Variants in RARB observed in about 807,000 individuals in gnomAD.
The protein encoded by RARB is HBV-activated protein.
Under a neutral mutation model 51.9 loss-of-function variants are expected in RARB, and 17 were observed. The ratio of observed to expected loss-of-function variants is 0.33; its 90% confidence interval spans 0.22 to 0.49. The LOEUF (loss-of-function observed/expected upper bound fraction) is 0.49, where lower values mean the gene tolerates loss of function less well. RARB is among the 20% of genes least tolerant of loss of function. RARB has a pLI of 0.99. For synonymous variants in RARB, 215 were observed against 195.4 expected, an observed-to-expected ratio of 1.10 and a Z score of -0.84; for missense variants, 369 against 550.8, an observed-to-expected ratio of 0.67 and a Z score of 3.30.
intron 5 of RARB, among the ~76,000 whole-genome samples, chr3:25,340,184 C>T (rs1439429222): frequency 6.6e-6 from 1 of 152,092 alleles, no homozygotes; most frequent in African/African-American, 2.4e-5. Context: ...TCAGTCACTG[C>T]ACTGGGCTGA....
intron 5 of RARB, among the ~76,000 whole-genome samples, chr3:25,283,187 G>C (rs1440293827): frequency 6.6e-6 from 1 of 152,098 alleles, no homozygotes; most frequent in Non-Finnish European, 1.5e-5. Flanking sequence ...GTATTAATAA[G>C]GCCAAAATCA....
intron 3 of RARB, among the ~76,000 whole-genome samples, chr3:25,101,587 G>A (rs934888243): frequency 3.3e-5 from 5 of 149,310 alleles, no homozygotes; most frequent in Admixed American, 1.3e-4. Context: ...AGGCAACACT[G>A]TATTATTTTG....
chr3:24,864,627 A>G (rs1027477703), intron 2 of RARB, among the ~76,000 whole-genome samples: 3 of 152,182 alleles, frequency 2.0e-5, no homozygotes, highest in African/African-American at 7.2e-5. Context: ...CCTGGCGTCA[A>G]ACTCCACAGA....
intron 5 of RARB, among the ~76,000 whole-genome samples, chr3:25,390,977 G>A (rs1476834892): frequency 6.6e-6 from 1 of 151,930 alleles, no homozygotes; most frequent in Non-Finnish European, 1.5e-5. Context: ...GGTGATTTCC[G>A]AGATTTTGGT....
chr3:25,132,147 C>T (rs1371761154), intron 3 of RARB, among the ~76,000 whole-genome samples: 1 of 151,904 alleles, frequency 6.6e-6, no homozygotes, highest in Non-Finnish European at 1.5e-5. Context: ...AGTTTTTCCT[C>T]TCTTCTCCTC....
intron 5 of RARB, among the ~76,000 whole-genome samples, chr3:25,207,771 A>T (rs146085462): frequency 6.6e-6 from 1 of 152,226 alleles, no homozygotes; most frequent in African/African-American, 2.4e-5. Flanking sequence ...AACGAATGCA[A>T]TTAAGACTCT....
intron 1 of RARB, among the ~76,000 whole-genome samples, chr3:25,443,810 A>G (rs1288180420): frequency 6.6e-6 from 1 of 151,758 alleles, no homozygotes; most frequent in Non-Finnish European, 1.5e-5. Flanking sequence ...GGGTGCCTGT[A>G]ATCCCAGCTA....
At chr3:24,908,541 T>G (rs1220804385) in intron 2 of RARB, among the ~76,000 whole-genome samples, 1 of 152,122 alleles carries the variant, frequency 6.6e-6, no homozygotes, top group African/African-American at 2.4e-5. Context: ...TAGCTGATTT[T>G]GTTTGGAAAT....
At chr3:25,145,443 T>A (rs1700171228) in intron 4 of RARB, among the ~76,000 whole-genome samples, 1 of 152,192 alleles carries the variant, frequency 6.6e-6, no homozygotes, top group Non-Finnish European at 1.5e-5. Context: ...CTGGGAACTT[T>A]GAGTGATTCT....
intron 3 of RARB, among the ~76,000 whole-genome samples, chr3:25,516,368 T>A (rs1038502213): frequency 2.0e-5 from 3 of 152,208 alleles, no homozygotes; most frequent in Non-Finnish European, 4.4e-5. Flanking sequence ...GTTCAAGATG[T>A]GATTTATGAA....
chr3:25,215,882 ACT>A (rs1701823708), intron 5 of RARB, among the ~76,000 whole-genome samples: 1 of 152,056 alleles, frequency 6.6e-6, no homozygotes, highest in Non-Finnish European at 1.5e-5. Context: ...TTGATGTCAG[ACT>A]CTAGTATTTT....
At position 24,946,789 on chromosome 3, in the gene RARB, G is replaced by C. The variant is rs544352509; in HGVS notation, c.-380+88037G>C. Among the ~76,000 whole-genome samples, 8 of 152,210 alleles carry C rather than the reference G, an allele frequency of 5.3e-5. No individual in the cohort carries two copies. In the South Asian group the frequency reaches 1.7e-3, roughly 32 times the overall value. On this transcript the variant is annotated intron_variant, in intron 2 of 11. Coordinates refer to the RARB transcript ENST00000383772. ...CTGAGGTGGGAAGATCATTTGAACC[G>C]GGAGGGTCAAGGCTGCAGTGAGCAA...
At chr3:24,943,130 G>GAA (rs1559405668) in intron 2 of RARB, among the ~76,000 whole-genome samples, 1 of 152,160 alleles carries the variant, frequency 6.6e-6, no homozygotes, top group Non-Finnish European at 1.5e-5. Flanking sequence ...TCCTAAATCA[G>GAA]ACTATGTAAG....
At chr3:25,008,604 C>A (rs577559578) in intron 2 of RARB, among the ~76,000 whole-genome samples, 1 of 152,204 alleles carries the variant, frequency 6.6e-6, no homozygotes, top group Admixed American at 6.5e-5. Context: ...CTGCTTAAGT[C>A]TTGGCTGCCT....
In RARB at chr3:25,032,306, G is replaced by C. The variant is rs914840355; in HGVS notation, c.-379-27819G>C. Among the ~76,000 whole-genome samples, 88 of 152,212 alleles carry C rather than the reference G, an allele frequency of 5.8e-4. 1 individual carries two copies. The highest frequency in any genetic ancestry group is 2.0e-3 in the African/African-American group (85 of 41,522). ...CTTTCCCCACCTTCCCCTTACCTAA[G>C]ACAAGAATGGTAAAACAAAGGCAGT... On this transcript the variant is annotated intron_variant, in intron 2 of 11. Transcript: ENST00000383772.
intron 3 of RARB, among the ~76,000 whole-genome samples, chr3:25,073,607 C>T (rs1383407932): frequency 1.3e-5 from 2 of 152,132 alleles, no homozygotes; most frequent in Non-Finnish European, 2.9e-5. Context: ...CCCTTGGACC[C>T]CCTTTCTGTG....
chr3:25,579,589 AT>A (rs749914823), intron 4 of RARB, among the ~76,000 whole-genome samples: 3 of 152,208 alleles, frequency 2.0e-5, no homozygotes, highest in Non-Finnish European at 4.4e-5. Flanking sequence ...CAAAGTTGTA[AT>A]CACAATTTAT....
chr3:25,077,416 G>C (rs1403854228), intron 3 of RARB, among the ~76,000 whole-genome samples: 1 of 152,082 alleles, frequency 6.6e-6, no homozygotes, highest in Non-Finnish European at 1.5e-5. Flanking sequence ...TATTGTCTAA[G>C]ATTAATTTTA....
At position 25,415,685 on chromosome 3, in the gene RARB, C is replaced by G. The variant is rs149490814; in HGVS notation, c.179-45508C>G. ...ATTAGTCCTAATTTTGTTTTACTTA[C>G]AGTGAGGCCATTCTAATTGCCTTAC... is the stretch of plus-strand genomic sequence containing the variant. On this transcript the variant is annotated intron_variant, in intron 5 of 11. Coordinates refer to the RARB transcript ENST00000383772. Among the ~76,000 whole-genome samples, 100 of 152,292 alleles carry G rather than the reference C, an allele frequency of 6.6e-4. 1 individual carries two copies. The highest frequency in any genetic ancestry group is 2.2e-3 in the African/African-American group (91 of 41,562).
Sources: allele counts gnomAD v4.1 joint callset (sites outside exome capture counted in the v4.1 genomes callset), GRCh38; gene constraint gnomAD v4.1.1; transcripts MANE v1.5; gene names NCBI Gene and HGNC (gene_info 2026-07-23, HGNC 2026-07-21).